Variants in AMZ2 observed in about 807,000 individuals in gnomAD.
The protein encoded by AMZ2 is archaelysin family metallopeptidase 2, also known as archaemetzincin-2.
A neutral mutation model predicts 36.7 loss-of-function variants in AMZ2; 26 were observed. The ratio of observed to expected loss-of-function variants is 0.71; its 90% CI spans 0.52 to 0.98. AMZ2 has a LOEUF of 0.98. AMZ2 is among the 50% of genes least tolerant of loss of function. AMZ2 has a pLI of 0.00. For missense variants in AMZ2, 394 were observed against 430.5 expected, an observed-to-expected ratio of 0.92 and a Z score of 0.75; for synonymous variants, 144 against 149.1, an observed-to-expected ratio of 0.97 and a Z score of 0.25.
At chr17:68,222,897 C>T (rs1555728935) in intron 1 of AMZ2, among the ~76,000 whole-genome samples, 1 of 152,038 alleles carries the variant, frequency 6.6e-6, no homozygotes. Context: ...GGTCTGTGGC[C>T]CAGAGGTTGG....
At chr17:68,253,473 A>G (rs2074645619) in intron 4 of AMZ2, among the ~76,000 whole-genome samples, 1 of 152,150 alleles carries the variant, frequency 6.6e-6, no homozygotes, top group Admixed American at 6.5e-5. Flanking sequence ...ATATAACTCT[A>G]AATGTAACAC....
At position 68,257,043 on chromosome 17, in the gene AMZ2, T is replaced by C. The variant is rs532382213; in HGVS notation, c.*74T>C. On this transcript the variant is annotated 3_prime_UTR_variant, in exon 7 of 7. Transcript: ENST00000359904. ...GCTTTCATTTGGGTGGAATACTTCA[T>C]TGGAATAAACTACTGATCTTGTGCT... 3.3e-6 allele frequency: 5 copies of C among 1,493,172 alleles called. No homozygotes were observed. The East Asian group carries it at 6.8e-5, about 20-fold the overall frequency. 92.5% of individuals were successfully genotyped at this position (1,493,172 alleles called of 1,614,324 possible). A position where few individuals can be genotyped will look rare whatever the true frequency, so the allele number is the denominator to read the frequency against.
chr17:68,247,826 G>T (rs1416162381), upstream of AMZ2: 53 of 985,476 alleles, frequency 5.4e-5, no homozygotes, highest in Non-Finnish European at 6.4e-5. Context: ...GACTGCGGGG[G>T]TGGACAGCTG....
chr17:68,208,614 A>G (rs1555724999), intron 1 of AMZ2, among the ~76,000 whole-genome samples: 2 of 152,156 alleles, frequency 1.3e-5, no homozygotes, highest in African/African-American at 4.8e-5. Context: ...GTGGCAACCC[A>G]TTCAGGTCCC....
chr17:68,217,382 A>G (rs1406453829), intron 1 of AMZ2, among the ~76,000 whole-genome samples: 6 of 152,236 alleles, frequency 3.9e-5, no homozygotes, highest in Admixed American at 6.5e-5. Flanking sequence ...TCGTCATTCA[A>G]ATTGCCTTTT....
Position 68,250,943 on chromosome 17 carries a change from A to G in AMZ2, c.433A>G (p.Thr145Ala), listed in dbSNP as rs782256658. 1.2e-6 allele frequency: 2 copies of G among 1,612,050 alleles called. No individual in the cohort carries two copies. The highest frequency in any genetic ancestry group is 1.3e-5 in the African/African-American group (1 of 74,808). Residue 145 changes from threonine (T) to alanine (A), a missense_variant, in exon 3 of 7, where the codon ACA (threonine) becomes GCA (alanine). By Grantham distance (58) the Thr-to-Ala change is moderately conservative (BLOSUM62 0). Coordinates refer to ENST00000359904, the MANE Select transcript of AMZ2 (RefSeq NM_016627.5). The part of the protein sequence containing the change: ...TRCSFRVNEN[T>A]HNLQIHAGDI... ...ATGTTCCTTTAGAGTCAATGAGAAC[A>G]CACACAACCTACAAATTCATGCAGG... is the stretch of plus-strand genomic sequence containing the variant.
In AMZ2 at chr17:68,235,780, G is replaced by T. The variant is rs34160222; in HGVS notation, c.-66-12860G>T. Among the ~76,000 whole-genome samples the T allele has an allele frequency of 0.099, 15,108 of 152,078 alleles. 857 individuals carry two copies. Among genetic ancestry groups the T allele is most frequent in the Non-Finnish European group, 0.12 (8,039 of 67,968 alleles). On this transcript the variant is annotated intron_variant, in intron 1 of 7. Coordinates refer to the AMZ2 transcript ENST00000674770. The surrounding 1 kb of genome is among the most constrained non-coding windows in gnomAD (Gnocchi z 4.2). ...TGGTACGTGCTGTGCCCTCAGCCTG[G>T]GCTGCCGTGGACTGGCCGTCCCTAC...
chr17:68,248,084 C>CGGGT lies in AMZ2; in HGVS notation c.-615_-612dup. 1.6e-4 allele frequency: 161 copies of CGGGT among 986,046 alleles called. No individual in the cohort carries two copies. Among genetic ancestry groups the CGGGT allele is most frequent in the Non-Finnish European group, 1.8e-4 (150 of 830,458 alleles). The allele number at this position is 986,046 out of a possible 1,614,324, so 61.1% of individuals were successfully genotyped here. On this transcript the variant is annotated 5_prime_UTR_variant, in exon 1 of 7. It removes the in-frame stop codon of an upstream open reading frame in the 5' UTR. Transcript: ENST00000359904. ...GTGCGCATGCGCGTGAGGGCTGCCG[C>CGGGT]GGGTGGGTGGTATCGAGGCCTGTCG... is the stretch of plus-strand genomic sequence containing the variant.
At chr17:68,215,125 G>C (rs1286122351) in intron 1 of AMZ2, among the ~76,000 whole-genome samples, 1 of 152,170 alleles carries the variant, frequency 6.6e-6, no homozygotes, top group Admixed American at 6.6e-5. Context: ...GGTTTCAGGA[G>C]GGAGCAAAAT....
At chr17:68,212,417 T>G (rs1555726297) in intron 1 of AMZ2, among the ~76,000 whole-genome samples, 1 of 152,128 alleles carries the variant, frequency 6.6e-6, no homozygotes, top group Non-Finnish European at 1.5e-5. Context: ...ATGCCTGTGA[T>G]CCCAACACTT....
chr17:68,206,338 A>G (rs1227249062), intron 1 of AMZ2: 1 of 1,088,560 alleles, frequency 9.2e-7, no homozygotes, highest in Non-Finnish European at 1.1e-6. Flanking sequence ...ATCTCCCCCC[A>G]ACCCCGCCTC....
intron 1 of AMZ2, among the ~76,000 whole-genome samples, chr17:68,233,562 G>A (rs577921469): frequency 4.0e-5 from 6 of 151,374 alleles, no homozygotes; most frequent in African/African-American, 1.5e-4. Flanking sequence ...TCCTGGGAGT[G>A]AAGGTGCTGA....
rs1260147978 is a variant in AMZ2, at chr17:68,221,213, C to CG, written c.-67+14975_-67+14976insG. On this transcript the variant is annotated intron_variant, in intron 1 of 7. Coordinates refer to the AMZ2 transcript ENST00000674770. ...CTTCCTGCCTCAGCCCTCAGCTCCC[C>CG]CCCCCGCCCCCCCGGTAGCTAGGAC... Among the ~76,000 whole-genome samples the CG allele has an allele frequency of 1.6e-3, 128 of 81,956 alleles. 3 individuals are homozygous for CG. The highest frequency in any genetic ancestry group is 5.3e-3 in the East Asian group (10 of 1,886). The allele number at this position is 81,956 out of a possible 152,430, so 53.8% of individuals were successfully genotyped here. A position where few individuals can be genotyped will look rare whatever the true frequency, so the allele number is the denominator to read the frequency against.
intron 1 of AMZ2, among the ~76,000 whole-genome samples, chr17:68,219,211 C>T (rs1197264017): frequency 1.3e-4 from 20 of 152,132 alleles, no homozygotes; most frequent in East Asian, 7.7e-4. Flanking sequence ...GTAATCCGCC[C>T]GCCTCAGCCT....
rs1418537803 is a variant in AMZ2 at position 68,255,756 on chromosome 17, A to G, written c.807A>G (p.Ala269=). 2 of 1,614,214 alleles carry G rather than the reference A, an allele frequency of 1.2e-6. No homozygotes were observed. The highest frequency in any genetic ancestry group is 1.7e-6 in the Non-Finnish European group (2 of 1,180,046). ...GACTGCGACACTGCCAGTGGCTTGC[A>G]TGCCTCATGCAAGGCTCCAACCACT... The part of the protein sequence containing the change: ...IFGLRHCQWL[A]CLMQGSNHLE... Residue 269 remains alanine, a synonymous_variant, in exon 6 of 7, where the codon GCA becomes GCG. Coordinates refer to ENST00000359904, the MANE Select transcript of AMZ2 (RefSeq NM_016627.5).
At chr17:68,233,428 G>A (rs1410249308) in intron 1 of AMZ2, among the ~76,000 whole-genome samples, 2 of 150,546 alleles carry the variant, frequency 1.3e-5, no homozygotes, top group South Asian at 4.2e-4. Context: ...AGAATCACTC[G>A]AACCTGGGAG....
Position 68,250,383 on chromosome 17 carries a change from G to A in AMZ2, c.196G>A (p.Ala66Thr). Residue 66 changes from alanine to threonine, a missense_variant, in exon 2 of 7, where the codon GCT becomes ACT. Physicochemically the swap from Ala to Thr is moderately conservative, Grantham distance 58 (BLOSUM62 0). Coordinates refer to ENST00000359904, the MANE Select transcript of AMZ2 (RefSeq NM_016627.5). ...AGATTGGATCACCTCCCACCCTGAG[G>A]CTCCCCAAGACTTTGAACAGTTCTT... ...PSDWITSHPE[A>T]PQDFEQFFSD... is the part of the protein sequence containing the mutation. 6.2e-7 allele frequency: 1 copy of A among 1,613,988 alleles called. No homozygotes were observed. Among genetic ancestry groups the A allele is most frequent in the East Asian group, 2.2e-5 (1 of 44,894 alleles).
chr17:68,209,560 T>C (rs1287386162), intron 1 of AMZ2, among the ~76,000 whole-genome samples: 2 of 149,794 alleles, frequency 1.3e-5, no homozygotes, highest in Non-Finnish European at 3.0e-5. Context: ...TAAAATAATA[T>C]TATAGAAGAA....
intron 1 of AMZ2, among the ~76,000 whole-genome samples, chr17:68,239,901 G>C (rs1356525759): frequency 2.0e-5 from 3 of 152,060 alleles, no homozygotes; most frequent in Admixed American, 6.6e-5. Context: ...CCAAACAGAG[G>C]AAACAACAGA....
Sources: allele counts gnomAD v4.1 joint callset (sites outside exome capture counted in the v4.1 genomes callset), GRCh38; gene constraint gnomAD v4.1.1; non-coding constraint Gnocchi (gnomAD v3.1); transcripts MANE v1.5; gene names NCBI Gene and HGNC (gene_info 2026-07-23, HGNC 2026-07-21).